Variants in NRXN1 observed in about 807,000 individuals in gnomAD.
NRXN1 encodes neurexin 1, also known as neurexin-1.
In NRXN1, 39 loss-of-function variants were observed where a neutral mutation model predicts 150.9. The ratio of observed to expected loss-of-function variants is 0.26; its 90% CI spans 0.20 to 0.34. NRXN1 has a LOEUF of 0.34. NRXN1 is among the 10% of genes least tolerant of loss of function. The pLI, the probability that NRXN1 is intolerant of heterozygous loss-of-function variation, is 1.00. For synonymous variants in NRXN1, 924 were observed against 757.0 expected, an observed-to-expected ratio of 1.22 and a Z score of -3.62; for missense variants, 1,815 against 1,949.9, an observed-to-expected ratio of 0.93 and a Z score of 1.30.
chr2:49,945,615 C>T (rs1288501723), intron 21 of NRXN1, among the ~76,000 whole-genome samples: 1 of 152,050 alleles, frequency 6.6e-6, no homozygotes, highest in Non-Finnish European at 1.5e-5. Context: ...TCAACTCCCA[C>T]TTATGAGTGA....
Position 49,920,697 on chromosome 2 carries a change from C to CGTGTGTGT in NRXN1, c.*1239_*1246dup, listed in dbSNP as rs66612444. On this transcript the variant is annotated 3_prime_UTR_variant, in exon 23 of 23. Transcript: ENST00000401669. Reference sequence around the variant, plus strand: ...CATATCTGATGGATTGCTGTGGATTCGTGTGTGTGTGTGTGTGTGTGTGTG... The same window carrying CGTGTGTGT: ...CATATCTGATGGATTGCTGTGGATTCGTGTGTGTGTGTGTGTGTGTGTGTGTGTGTGTG... The CGTGTGTGT allele has an allele frequency of 1.4e-5, 2 of 142,850 alleles. No homozygotes were observed. Among genetic ancestry groups the CGTGTGTGT allele is most frequent in the Admixed American group, 7.1e-5 (1 of 14,128 alleles). 8.8% of individuals were successfully genotyped at this position (142,850 alleles called of 1,614,324 possible). A position where few individuals can be genotyped will look rare whatever the true frequency, so the allele number is the denominator to read the frequency against.
chr2:51,020,214 C>G (rs573499587), intron 2 of NRXN1, among the ~76,000 whole-genome samples: 4 of 151,854 alleles, frequency 2.6e-5, no homozygotes, highest in Non-Finnish European at 5.9e-5. Context: ...TAAAAGGTAC[C>G]TTTATCCCAA....
At chr2:50,483,782 T>C (rs1573187456) in intron 15 of NRXN1, among the ~76,000 whole-genome samples, 1 of 152,192 alleles carries the variant, frequency 6.6e-6, no homozygotes, top group East Asian at 1.9e-4. Context: ...AGGAGTAGAA[T>C]AGATAGAGGA....
chr2:50,309,190 G>A (rs930489045), intron 17 of NRXN1, among the ~76,000 whole-genome samples: 5 of 152,232 alleles, frequency 3.3e-5, no homozygotes, highest in African/African-American at 1.2e-4. Context: ...GGTTAGCCCG[G>A]CCTCAGTTAT....
chr2:50,904,151 T>C (rs1415337347), intron 5 of NRXN1, among the ~76,000 whole-genome samples: 1 of 152,060 alleles, frequency 6.6e-6, no homozygotes, highest in African/African-American at 2.4e-5. Context: ...CTTACATAAT[T>C]CTGTGAAATT....
intron 17 of NRXN1, among the ~76,000 whole-genome samples, chr2:50,249,084 G>T (rs2066791188): frequency 6.6e-6 from 1 of 150,914 alleles, no homozygotes; most frequent in African/African-American, 2.4e-5. Context: ...TTGAGCCCAG[G>T]AGTTTAAGGC....
In NRXN1 at chr2:50,265,359, C is replaced by T. The variant is rs75794725; in HGVS notation, c.3365-28389G>A. 5.2e-3 allele frequency among the ~76,000 whole-genome samples: 798 copies of T among 152,208 alleles called. 1 individual carries two copies. The highest frequency in any genetic ancestry group is 7.6e-3 in the Non-Finnish European group (520 of 68,000). On this transcript the variant is annotated intron_variant, in intron 17 of 22. Transcript: ENST00000401669. ...CTCAGGAAAGGGCAGCTCTTTTCTACGTGAGATTAAAACTCTCTCTACATA... is the reference window on the plus strand; with the variant it reads ...CTCAGGAAAGGGCAGCTCTTTTCTATGTGAGATTAAAACTCTCTCTACATA...
intron 5 of NRXN1, among the ~76,000 whole-genome samples, chr2:50,754,177 T>C (rs1700927827): frequency 6.6e-6 from 1 of 151,872 alleles, no homozygotes; most frequent in Non-Finnish European, 1.5e-5. Flanking sequence ...AGAAAAGTCA[T>C]TTAGTAGTTT....
intron 17 of NRXN1, among the ~76,000 whole-genome samples, chr2:50,448,618 C>G (rs114830277): frequency 0.015 from 2,250 of 152,232 alleles, 23 homozygotes; most frequent in Non-Finnish European, 0.02. Flanking sequence ...ACACTTTTTA[C>G]TAAACTAAAA....
At chr2:50,990,570 A>G (rs1391312436) in intron 2 of NRXN1, among the ~76,000 whole-genome samples, 2 of 152,034 alleles carry the variant, frequency 1.3e-5, no homozygotes, top group African/African-American at 2.4e-5. Flanking sequence ...CCTTAGTGAC[A>G]CAGTTTTTGG....
At chr2:50,793,373 T>C (rs17503302) in intron 5 of NRXN1, among the ~76,000 whole-genome samples, 12,239 of 152,166 alleles carry the variant, frequency 0.08, 635 homozygotes, top group Middle Eastern at 0.15. Context: ...GAATATCCAC[T>C]GAGTTAAAAC....
chr2:50,849,521 CCAA>C (rs1262064450), intron 5 of NRXN1, among the ~76,000 whole-genome samples: 1 of 152,168 alleles, frequency 6.6e-6, no homozygotes, highest in African/African-American at 2.4e-5. Context: ...GTCAGGATGA[CCAA>C]CGTTACCCAA....
At chr2:50,949,881 C>G (rs1691018747) in intron 2 of NRXN1, among the ~76,000 whole-genome samples, 1 of 152,072 alleles carries the variant, frequency 6.6e-6, no homozygotes, top group South Asian at 2.1e-4. Flanking sequence ...TATTATATGT[C>G]TCATCTATTT....
chr2:50,280,667 A>T (rs971958378), intron 17 of NRXN1, among the ~76,000 whole-genome samples: 1 of 152,192 alleles, frequency 6.6e-6, no homozygotes, highest in South Asian at 2.1e-4. Context: ...AGTGGTGATT[A>T]CATTGGTTAA....
In NRXN1 at chr2:50,993,923, T is replaced by C. The variant is rs114736051; in HGVS notation, c.772+33579A>G. 6.7e-3 allele frequency among the ~76,000 whole-genome samples: 1,021 copies of C among 152,120 alleles called. 9 individuals are homozygous for C. The highest frequency in any genetic ancestry group is 0.022 in the African/African-American group (903 of 41,568). ...TCTTTAACCGGCATGTATTTTAACC[T>C]TCAACTACTTTCTATTTTCCTACAT... On this transcript the variant is annotated intron_variant, in intron 2 of 22. Coordinates refer to ENST00000401669, the MANE Select transcript of NRXN1 (RefSeq NM_001330078.2).
chr2:50,972,634 A>G (rs1447050144), intron 2 of NRXN1, among the ~76,000 whole-genome samples: 1 of 152,076 alleles, frequency 6.6e-6, no homozygotes, highest in Non-Finnish European at 1.5e-5. Flanking sequence ...TTTTCCTGCA[A>G]CTAGATGGTC....
chr2:50,767,294 T>C (rs1343282553), intron 5 of NRXN1, among the ~76,000 whole-genome samples: 2 of 152,086 alleles, frequency 1.3e-5, no homozygotes, highest in African/African-American at 2.4e-5. Context: ...ATCTTTATTA[T>C]TGCACTTAGC....
intron 18 of NRXN1, among the ~76,000 whole-genome samples, chr2:50,129,407 G>T (rs1218139858): frequency 2.0e-5 from 3 of 152,166 alleles, no homozygotes; most frequent in Non-Finnish European, 4.4e-5. Context: ...ACTGAAATAT[G>T]TTTAAAAGCA....
intron 5 of NRXN1, among the ~76,000 whole-genome samples, chr2:50,846,437 T>C (rs1002536378): frequency 6.6e-6 from 1 of 152,178 alleles, no homozygotes; most frequent in Admixed American, 6.5e-5. Context: ...TTTTTTTTCT[T>C]GCTTTTAAGA....
Sources: allele counts gnomAD v4.1 joint callset (sites outside exome capture counted in the v4.1 genomes callset), GRCh38; gene constraint gnomAD v4.1.1; transcripts MANE v1.5; gene names NCBI Gene and HGNC (gene_info 2026-07-23, HGNC 2026-07-21).